The following MYO5B variants were observed in gnomAD, a reference collection of about 807,000 sequenced individuals.
MYO5B encodes myosin VB, also known as unconventional myosin-Vb.
Under a neutral mutation model 229.3 loss-of-function variants are expected in MYO5B, and 143 were observed. The observed-to-expected ratio is 0.62, with a 90% CI of 0.54 to 0.72. The LOEUF (loss-of-function observed/expected upper bound fraction) is 0.72. Among genes scored for constraint, MYO5B ranks in the 30% least tolerant of loss-of-function variants. The pLI is 0.00. For missense variants in MYO5B, 2,321 were observed against 2,331.0 expected (o/e 1.00, Z 0.09); for synonymous variants, 918 against 885.2 (o/e 1.04, Z -0.66).
At chr18:50,058,045 A>C (rs945437475) in intron 1 of MYO5B, among the ~76,000 whole-genome samples, 3 of 152,260 alleles carry the variant, frequency 2.0e-5, no homozygotes, top group Non-Finnish European at 4.4e-5. Context: ...GAAGAAGGAT[A>C]TTCACATAAC....
Position 50,045,697 on chromosome 18 carries a change from G to A in MYO5B, c.139-5383C>T, listed in dbSNP as rs368117815. On this transcript the variant is annotated intron_variant, in intron 2 of 39. Coordinates refer to ENST00000285039, the MANE Select transcript of MYO5B (RefSeq NM_001080467.3). ...GCCGCCACGATCCTGGCCTCCAAGA[G>A]TTAATATATTTTCTTTCACATCACA... Among the ~76,000 whole-genome samples the A allele has an allele frequency of 2.2e-4, 33 of 152,280 alleles. No homozygotes were observed. The East Asian group carries it at 2.7e-3, about 12-fold the overall frequency.
intron 1 of MYO5B, among the ~76,000 whole-genome samples, chr18:50,184,946 G>A (rs866513019): frequency 4.7e-5 from 7 of 150,378 alleles, no homozygotes; most frequent in Admixed American, 3.3e-4. Context: ...GCATGGTGTC[G>A]CATGCCTGTT....
At chr18:49,987,050 G>A (rs2025877756) in intron 7 of MYO5B, among the ~76,000 whole-genome samples, 1 of 152,140 alleles carries the variant, frequency 6.6e-6, no homozygotes, top group Admixed American at 6.5e-5. Flanking sequence ...TTAGAGGGAA[G>A]GCATTTTCAG....
chr18:50,146,320 A>C (rs1329196687), intron 1 of MYO5B, among the ~76,000 whole-genome samples: 1 of 152,222 alleles, frequency 6.6e-6, no homozygotes, highest in East Asian at 1.9e-4. Flanking sequence ...AGTCTTATCC[A>C]ACTGGAAGGA....
At chr18:50,011,734 A>G (rs2026162561) in intron 4 of MYO5B, among the ~76,000 whole-genome samples, 1 of 152,056 alleles carries the variant, frequency 6.6e-6, no homozygotes, top group Non-Finnish European at 1.5e-5. Flanking sequence ...CTACCACAGC[A>G]GAACTGGTCT....
intron 4 of MYO5B, among the ~76,000 whole-genome samples, chr18:50,001,662 A>T (rs1598943763): frequency 6.6e-6 from 1 of 152,194 alleles, no homozygotes; most frequent in African/African-American, 2.4e-5. Flanking sequence ...TGGTGCAGAC[A>T]ACTGGCCACT....
intron 1 of MYO5B, among the ~76,000 whole-genome samples, chr18:50,106,926 A>G (rs1230059493): frequency 6.6e-6 from 1 of 152,124 alleles, no homozygotes; most frequent in Non-Finnish European, 1.5e-5. Flanking sequence ...ATAAATGCTC[A>G]TTGACCAAGA....
intron 2 of MYO5B, among the ~76,000 whole-genome samples, chr18:50,052,513 C>T (rs956748008): frequency 7.5e-6 from 1 of 134,140 alleles, no homozygotes; most frequent in African/African-American, 2.9e-5. Flanking sequence ...AATGAGAACA[C>T]ATGGACACGG....
At chr18:50,031,120 G>A (rs1007985491) in intron 4 of MYO5B, among the ~76,000 whole-genome samples, 7 of 152,052 alleles carry the variant, frequency 4.6e-5, no homozygotes, top group Admixed American at 1.3e-4. Flanking sequence ...TTAGAGAGGC[G>A]GTAGGGCTTC....
chr18:50,058,512 A>G (rs146894357), intron 1 of MYO5B, among the ~76,000 whole-genome samples: 1 of 151,610 alleles, frequency 6.6e-6, no homozygotes, highest in African/African-American at 2.4e-5. Flanking sequence ...GTTCAAAGCC[A>G]TTTTAAAAAC....
At position 49,990,440 on chromosome 18, in the gene MYO5B, T is replaced by C; in HGVS notation, c.837A>G (p.Leu279=). Residue 279 remains leucine, a splice_region_variant and synonymous_variant, in exon 7 of 40, where the codon CTA becomes CTG. Transcript: ENST00000285039. ...ATAGGCATGCACCTGTTGACTTACT[T>C]AGTGCAAGCTCTTTAAATTCTGGAA... The part of the protein sequence containing the change: ...AGLPEFKELA[L]TSAEDFFYTS... The C allele has an allele frequency of 1.2e-6, 2 of 1,612,684 alleles. No individual in the cohort carries two copies. Among genetic ancestry groups the C allele is most frequent in the Non-Finnish European group, 1.7e-6 (2 of 1,178,762 alleles).
intron 1 of MYO5B, among the ~76,000 whole-genome samples, chr18:50,112,528 C>T (rs1256512330): frequency 6.6e-6 from 1 of 152,194 alleles, no homozygotes; most frequent in Non-Finnish European, 1.5e-5. Flanking sequence ...ACCAGCTGAG[C>T]ACCACCAGCC....
At chr18:49,894,242 C>T (rs2024751131) in intron 22 of MYO5B, among the ~76,000 whole-genome samples, 1 of 142,082 alleles carries the variant, frequency 7.0e-6, no homozygotes. Context: ...AAAAAGCGGG[C>T]AACATGCTAT....
At chr18:50,047,793 C>T (rs1025649110) in intron 2 of MYO5B, among the ~76,000 whole-genome samples, 1 of 151,974 alleles carries the variant, frequency 6.6e-6, no homozygotes, top group African/African-American at 2.4e-5. Context: ...TTTGTAGGGA[C>T]ATGGATGAAG....
At chr18:49,839,462 T>C (rs566708849) in intron 35 of MYO5B, 168 bp from the exon 36 acceptor site, 31 of 714,790 alleles carry the variant, frequency 4.3e-5, no homozygotes, top group South Asian at 1.2e-4. Flanking sequence ...TGAGGCCTCA[T>C]TGATGACCCT....
intron 4 of MYO5B, among the ~76,000 whole-genome samples, chr18:50,016,429 C>T (rs1478374359): frequency 6.6e-6 from 1 of 152,158 alleles, no homozygotes; most frequent in Non-Finnish European, 1.5e-5. Flanking sequence ...TGTGCAGTAA[C>T]TGAATTCTTT....
Position 49,880,410 on chromosome 18 carries a change from T to C in MYO5B, c.3091A>G (p.Lys1031Glu), listed in dbSNP as rs768812305. The C allele has an allele frequency of 1.1e-5, 18 of 1,614,162 alleles. No individual in the cohort carries two copies. The highest frequency in any genetic ancestry group is 1.4e-5 in the Non-Finnish European group (17 of 1,180,008). ...AGGATTTGGTTGTTGAGCTGTTCTTTCTCATCTTTCAAGAGAGCATTTTCT... is the reference window on the plus strand; with the variant it reads ...AGGATTTGGTTGTTGAGCTGTTCTTCCTCATCTTTCAAGAGAGCATTTTCT... ...EQENALLKDE[K>E]EQLNNQILCQ... is the part of the protein sequence containing the mutation. Residue 1031 changes from lysine to glutamate, a missense_variant, in exon 23 of 40, where the codon AAA becomes GAA. Transcript: ENST00000285039.
At position 49,900,251 on chromosome 18, in the gene MYO5B, G is replaced by GA. The variant is rs140693576; in HGVS notation, c.2811+2342_2811+2343insT. Among the ~76,000 whole-genome samples the GA allele has an allele frequency of 2.6e-5, 4 of 152,334 alleles. No individual in the cohort carries two copies. In the East Asian group the frequency reaches 7.7e-4, roughly 29 times the overall value. Reference sequence around the variant, plus strand: ...CCACCTTGGCATGCTTTGTGCTTGTGTTTTTCAAAGGGCCAGTGCCAGACA... The same window carrying GA: ...CCACCTTGGCATGCTTTGTGCTTGTGATTTTTCAAAGGGCCAGTGCCAGACA... On this transcript the variant is annotated intron_variant, in intron 21 of 39. Coordinates refer to ENST00000285039, the MANE Select transcript of MYO5B (RefSeq NM_001080467.3).
chr18:49,981,433 T>C (rs1204554628), intron 8 of MYO5B, among the ~76,000 whole-genome samples: 1 of 152,214 alleles, frequency 6.6e-6, no homozygotes, highest in Non-Finnish European at 1.5e-5. Context: ...AGATGTGCCA[T>C]GCTAGGATTA....
Sources: allele counts gnomAD v4.1 joint callset (sites outside exome capture counted in the v4.1 genomes callset), GRCh38; gene constraint gnomAD v4.1.1; transcripts MANE v1.5; gene names NCBI Gene and HGNC (gene_info 2026-07-23, HGNC 2026-07-21).